REEP1: variants seen among roughly 807,000 people sequenced by gnomAD.
The protein encoded by REEP1 is receptor accessory protein 1, also known as receptor expression-enhancing protein 1.
In REEP1, 22 loss-of-function variants were observed where a neutral mutation model predicts 40.3. That is an observed-to-expected ratio of 0.55 (90% confidence interval 0.39 to 0.78). The LOEUF (loss-of-function observed/expected upper bound fraction) is 0.78. REEP1 is among the 30% of genes least tolerant of loss of function. REEP1 has a pLI of 0.00. For missense variants in REEP1, 280 were observed against 361.1 expected, an observed-to-expected ratio of 0.78 and a Z score of 1.82; for synonymous variants, 116 against 139.2, an observed-to-expected ratio of 0.83 and a Z score of 1.17.
intron 2 of REEP1, among the ~76,000 whole-genome samples, chr2:86,274,919 G>T (rs1677664314): frequency 2.0e-5 from 3 of 152,134 alleles, no homozygotes; most frequent in Admixed American, 2.0e-4. Context: ...ACAGCAGCTG[G>T]CTGAAATTCC....
intron 5 of REEP1, among the ~76,000 whole-genome samples, chr2:86,236,850 T>G (rs1437362967): frequency 1.3e-5 from 2 of 152,024 alleles, no homozygotes; most frequent in African/African-American, 4.8e-5. Flanking sequence ...TTCTCTTGCC[T>G]CAACCTCCAG....
intron 3 of REEP1, among the ~76,000 whole-genome samples, chr2:86,256,467 T>C (rs1676569779): frequency 1.3e-5 from 2 of 150,830 alleles, no homozygotes; most frequent in East Asian, 4.0e-4. Context: ...CAGGCCACCA[T>C]CCACCTGCCC....
intron 1 of REEP1, among the ~76,000 whole-genome samples, chr2:86,303,367 T>A (rs1342570929): frequency 6.6e-6 from 1 of 151,776 alleles, no homozygotes; most frequent in African/African-American, 2.4e-5. Context: ...CAGGCCTGCA[T>A]CACCAGCCTG....
At chr2:86,310,477 A>T (rs1041455349) in intron 1 of REEP1, among the ~76,000 whole-genome samples, 4 of 152,012 alleles carry the variant, frequency 2.6e-5, no homozygotes, top group African/African-American at 9.7e-5. Flanking sequence ...GTGTAAGTAC[A>T]CTCTATGATG....
upstream of REEP1, chr2:86,337,660 GT>G (rs1452563413): frequency 9.7e-7 from 1 of 1,026,678 alleles, no homozygotes; most frequent in African/African-American, 1.7e-5. The surrounding 1 kb of genome is among the most constrained non-coding windows in gnomAD (Gnocchi z 5.8). Flanking sequence ...GCGTTCGCGC[GT>G]TGGCGCAGCC....
At chr2:86,232,861 C>T in intron 5 of REEP1, 59 bp from the exon 6 acceptor site, 1 of 1,538,894 alleles carries the variant, frequency 6.5e-7, no homozygotes. Flanking sequence ...TCACACTCGA[C>T]AAAGGCCAAG....
intron 2 of REEP1, among the ~76,000 whole-genome samples, chr2:86,269,008 A>G (rs1186821958): frequency 6.6e-6 from 1 of 152,220 alleles, no homozygotes; most frequent in Non-Finnish European, 1.5e-5. Flanking sequence ...ATAGGTCTAA[A>G]TGCAAAGCAC....
intron 2 of REEP1, chr2:86,279,966 G>A (rs555836617): frequency 2.2e-6 from 1 of 456,280 alleles, no homozygotes; most frequent in Non-Finnish European, 4.4e-6. Flanking sequence ...TAACCTTCTA[G>A]GGAAAATAGT....
At chr2:86,254,876 G>A in intron 3 of REEP1, 62 bp from the exon 4 acceptor site, 1 of 1,591,650 alleles carries the variant, frequency 6.3e-7, no homozygotes, top group South Asian at 1.1e-5. Flanking sequence ...CCTTTTGAAG[G>A]ATGAGACCCG....
rs1406948273 is a variant in REEP1, at chr2:86,214,927, G to A, written c.*2112C>T. The A allele has an allele frequency of 2.1e-5, 3 of 145,438 alleles. No homozygotes were observed. The highest frequency in any genetic ancestry group is 3.0e-5 in the Non-Finnish European group (2 of 67,102). The allele number at this position is 145,438 out of a possible 1,614,324, so 9.0% of individuals were successfully genotyped here. ...TCACAACTCTCCATTGTAAAATGGCGAAAATATAGGTTGTTCACGATAGGA... is the reference window on the plus strand; with the variant it reads ...TCACAACTCTCCATTGTAAAATGGCAAAAATATAGGTTGTTCACGATAGGA... On this transcript the variant is annotated 3_prime_UTR_variant, in exon 9 of 9. Transcript: ENST00000538924.
intron 2 of REEP1, among the ~76,000 whole-genome samples, chr2:86,275,474 T>G (rs1248280961): frequency 1.3e-5 from 2 of 152,176 alleles, no homozygotes; most frequent in Non-Finnish European, 2.9e-5. Context: ...GAGTCTATAC[T>G]CTAAATTACT....
chr2:86,273,586 ACTGGCCC>A (rs1376163076), intron 2 of REEP1, among the ~76,000 whole-genome samples: 1 of 151,910 alleles, frequency 6.6e-6, no homozygotes, highest in East Asian at 1.9e-4. Flanking sequence ...ACACCCGCAA[ACTGGCCC>A]CTAATTATTT....
At chr2:86,337,848 A>G (rs1458956670), upstream of REEP1, among the ~76,000 whole-genome samples, 2 of 152,034 alleles carry the variant, frequency 1.3e-5, no homozygotes, top group Non-Finnish European at 2.9e-5. This position sits in a 1 kb window ranked among gnomAD's most constrained non-coding sequence, Gnocchi z 5.8. Context: ...GCCCCGCCAA[A>G]GGAACCCTGC....
At position 86,215,064 on chromosome 2, in the gene REEP1, T is replaced by C. The variant is rs969412786; in HGVS notation, c.*1975A>G. On this transcript the variant is annotated 3_prime_UTR_variant, in exon 9 of 9. Transcript: ENST00000538924. ...TTTTTTTTGCATTCGTTTCTGATAA[T>C]TCTGGGTACTTCCAACTAACAGGTA... is the stretch of plus-strand genomic sequence containing the variant. 1.6e-4 allele frequency: 24 copies of C among 147,454 alleles called. No homozygotes were observed. The highest frequency in any genetic ancestry group is 6.1e-4 in the African/African-American group (24 of 39,054). The allele number at this position is 147,454 out of a possible 1,614,324, so 9.1% of individuals were successfully genotyped here. A position where few individuals can be genotyped will look rare whatever the true frequency, so the allele number is the denominator to read the frequency against.
At chr2:86,245,850 C>T (rs558593972) in intron 5 of REEP1, among the ~76,000 whole-genome samples, 213 of 151,826 alleles carry the variant, frequency 1.4e-3, no homozygotes, top group Middle Eastern at 0.01. Flanking sequence ...CTGCAAGCTC[C>T]GCCTCCCTGG....
rs541749065 is a variant in REEP1 at position 86,327,651 on chromosome 2, T to C, written c.32+9828A>G. The stretch of plus-strand genomic sequence containing the variant: ...GGCGTGATCTCGGCTCACTGCAAGC[T>C]CTGCCTCCCAGGTTCACGCCATTCT... On this transcript the variant is annotated intron_variant, in intron 1 of 8. Transcript: ENST00000538924. Among the ~76,000 whole-genome samples, 4 of 150,764 alleles carry C rather than the reference T, an allele frequency of 2.7e-5. No individual in the cohort carries two copies. In the South Asian group the frequency reaches 8.4e-4, roughly 32 times the overall value.
intron 7 of REEP1, among the ~76,000 whole-genome samples, chr2:86,224,230 G>A (rs1674576152): frequency 6.6e-6 from 1 of 152,242 alleles, no homozygotes; most frequent in Non-Finnish European, 1.5e-5. Context: ...GGCCCCAGAG[G>A]TAATTTGAAT....
chr2:86,268,327 G>C (rs929843157), intron 2 of REEP1, among the ~76,000 whole-genome samples: 4 of 152,160 alleles, frequency 2.6e-5, no homozygotes, highest in African/African-American at 9.7e-5. Flanking sequence ...ATGTATAAAA[G>C]TCCATTGCTT....
At chr2:86,329,989 G>C (rs1167400159) in intron 1 of REEP1, among the ~76,000 whole-genome samples, 1 of 152,204 alleles carries the variant, frequency 6.6e-6, no homozygotes, top group Non-Finnish European at 1.5e-5. Context: ...GTAGAGACAT[G>C]TATGGAGAGT....
Sources: gnomAD v4.1 joint callset for allele counts (sites outside exome capture counted in the v4.1 genomes callset) on GRCh38, gnomAD v4.1.1 for gene constraint, Gnocchi (gnomAD v3.1) non-coding constraint, MANE v1.5 for transcripts, NCBI Gene and HGNC (gene_info 2026-07-23, HGNC 2026-07-21) for gene names.